SLC25A48: variants seen among roughly 807,000 people sequenced by gnomAD.
SLC25A48 encodes CTC-321K16.1.
SLC25A48 carries 29 observed loss-of-function variants against 32.2 expected under a neutral mutation model. The ratio of observed to expected loss-of-function variants is 0.90; its 90% CI spans 0.67 to 1.23. The LOEUF is 1.23. Among genes scored for constraint, SLC25A48 ranks in the 50% most tolerant of loss-of-function variants. The pLI is 0.00. For missense variants in SLC25A48, 399 were observed against 422.7 expected (o/e 0.94, Z 0.49); for synonymous variants, 164 against 172.3 (o/e 0.95, Z 0.38).
chr5:135,626,165 GC>G (rs1752436772), intron 1 of SLC25A48, among the ~76,000 whole-genome samples: 1 of 152,254 alleles, frequency 6.6e-6, no homozygotes, highest in Admixed American at 6.5e-5. Flanking sequence ...AGTCCTGCCT[GC>G]CTTCACTCCC....
chr5:135,602,598 C>CT (rs5871566), intron 1 of SLC25A48, among the ~76,000 whole-genome samples: 21 of 143,476 alleles, frequency 1.5e-4, no homozygotes, highest in South Asian at 2.2e-4. Context: ...ATGGAGTTTT[C>CT]TTTTTTTTTT....
At chr5:135,859,610 G>A (rs977146052) in intron 4 of SLC25A48, among the ~76,000 whole-genome samples, 4 of 152,174 alleles carry the variant, frequency 2.6e-5, no homozygotes, top group Admixed American at 2.0e-4. Context: ...ATAAGTTAGG[G>A]CTTTTTCAAA....
intron 3 of SLC25A48, among the ~76,000 whole-genome samples, chr5:135,680,178 A>G (rs989960218): frequency 6.6e-6 from 1 of 152,172 alleles, no homozygotes; most frequent in Non-Finnish European, 1.5e-5. Flanking sequence ...ATTATCTACT[A>G]ACTATCTTGG....
At chr5:135,847,928 G>A (rs1405101017) in intron 2 of SLC25A48, among the ~76,000 whole-genome samples, 1 of 152,214 alleles carries the variant, frequency 6.6e-6, no homozygotes. Context: ...ACTAATATAA[G>A]TAGTCAGTTG....
chr5:135,708,284 C>G (rs992424816), intron 3 of SLC25A48, among the ~76,000 whole-genome samples: 3 of 152,224 alleles, frequency 2.0e-5, no homozygotes, highest in Non-Finnish European at 1.5e-5. Flanking sequence ...TTCATCTATT[C>G]TACACCCCAC....
intron 1 of SLC25A48, among the ~76,000 whole-genome samples, chr5:135,581,234 T>A (rs971865153): frequency 6.6e-6 from 1 of 152,272 alleles, no homozygotes; most frequent in East Asian, 1.9e-4. Context: ...GTCATACAGA[T>A]GTACCAGAAT....
intron 1 of SLC25A48, among the ~76,000 whole-genome samples, chr5:135,616,153 A>G (rs1752186960): frequency 6.6e-6 from 1 of 152,214 alleles, no homozygotes; most frequent in Non-Finnish European, 1.5e-5. Context: ...TACCTCTACT[A>G]AGGCAATGCA....
At chr5:135,855,351 C>T (rs146186100) in intron 4 of SLC25A48, among the ~76,000 whole-genome samples, 1 of 152,150 alleles carries the variant, frequency 6.6e-6, no homozygotes, top group Non-Finnish European at 1.5e-5. Flanking sequence ...TACTATTTAA[C>T]CTGATGCAGT....
intron 3 of SLC25A48, among the ~76,000 whole-genome samples, chr5:135,698,027 T>C (rs1256419337): frequency 6.6e-6 from 1 of 152,232 alleles, no homozygotes; most frequent in Non-Finnish European, 1.5e-5. Context: ...TGCCAGGGAC[T>C]CTGACGTTCA....
At chr5:135,585,723 G>A (rs1751348706) in intron 1 of SLC25A48, among the ~76,000 whole-genome samples, 2 of 152,046 alleles carry the variant, frequency 1.3e-5, no homozygotes, top group African/African-American at 4.8e-5. Context: ...TAGAGTACTA[G>A]TCTATCACTC....
At chr5:135,718,562 C>T (rs569312035) in intron 3 of SLC25A48, among the ~76,000 whole-genome samples, 2 of 152,134 alleles carry the variant, frequency 1.3e-5, no homozygotes, top group African/African-American at 2.4e-5. Flanking sequence ...ATGACTGTCA[C>T]ACAGTAATAA....
intron 7 of SLC25A48, among the ~76,000 whole-genome samples, chr5:135,885,093 G>A (rs955970915): frequency 2.6e-5 from 4 of 152,150 alleles, no homozygotes; most frequent in African/African-American, 9.7e-5. Context: ...CAGCAGCCAT[G>A]ATGATGGCTA....
intron 4 of SLC25A48, among the ~76,000 whole-genome samples, chr5:135,821,343 ACAGAGGAGAGGCAG>A (rs1757881827): frequency 2.0e-5 from 3 of 152,176 alleles, no homozygotes; most frequent in African/African-American, 7.2e-5. Context: ...GAGAGGAGCC[ACAGAGGAGAGGCAG>A]CTGAAAGCGA....
chr5:135,594,857 AGCCTTTTTGTCTTCCTGTTAG>A (rs1215641431), intron 1 of SLC25A48, among the ~76,000 whole-genome samples: 1 of 152,214 alleles, frequency 6.6e-6, no homozygotes, highest in East Asian at 1.9e-4. Context: ...GGCTCAGGTA[AGCCTTTTTGTCTTCCTGTTAG>A]GCAGGAGGCC....
At chr5:135,778,313 A>G (rs1257466440) in intron 3 of SLC25A48, among the ~76,000 whole-genome samples, 1 of 151,306 alleles carries the variant, frequency 6.6e-6, no homozygotes, top group African/African-American at 2.4e-5. Context: ...TATTGTTCCT[A>G]ATATCCAGGA....
chr5:135,849,951 T>C (rs887109117), intron 2 of SLC25A48, among the ~76,000 whole-genome samples: 2 of 151,948 alleles, frequency 1.3e-5, no homozygotes, highest in African/African-American at 4.8e-5. Context: ...AGTCTGCCTG[T>C]TGTGTAAAGA....
At chr5:135,652,946 T>C (rs1229656037) in intron 3 of SLC25A48, among the ~76,000 whole-genome samples, 1 of 152,208 alleles carries the variant, frequency 6.6e-6, no homozygotes, top group Non-Finnish European at 1.5e-5. Flanking sequence ...GCAAGGTGTT[T>C]AGGTCATGAG....
intron 3 of SLC25A48, among the ~76,000 whole-genome samples, chr5:135,805,545 ATAT>A (rs1393235376): frequency 6.6e-6 from 1 of 151,624 alleles, no homozygotes; most frequent in African/African-American, 2.4e-5. Flanking sequence ...TCACCCTGTG[ATAT>A]TAGTTATAAC....
At chr5:135,732,610 C>T (rs372712681) in intron 3 of SLC25A48, among the ~76,000 whole-genome samples, 4 of 152,004 alleles carry the variant, frequency 2.6e-5, no homozygotes, top group Non-Finnish European at 4.4e-5. Flanking sequence ...TAGATTTCCA[C>T]GATGGAAAGG....
Sources: allele counts gnomAD v4.1 joint callset (sites outside exome capture counted in the v4.1 genomes callset), GRCh38; gene constraint gnomAD v4.1.1; transcripts MANE v1.5; gene names NCBI Gene and HGNC (gene_info 2026-07-23, HGNC 2026-07-21).